Variants in EEFSEC observed in about 807,000 individuals in gnomAD.
EEFSEC encodes eukaryotic elongation factor, selenocysteine-tRNA specific.
A neutral mutation model predicts 42.1 loss-of-function variants in EEFSEC; 43 were observed. That is an observed-to-expected ratio of 1.02 (90% CI 0.80 to 1.32). EEFSEC has a LOEUF of 1.32. EEFSEC is among the 40% of genes most tolerant of loss of function. EEFSEC has a pLI of 0.00. For synonymous variants in EEFSEC, 354 were observed against 339.1 expected, an observed-to-expected ratio of 1.04 and a Z score of -0.48; for missense variants, 745 against 803.6, an observed-to-expected ratio of 0.93 and a Z score of 0.88.
At chr3:128,168,045 G>A (rs1013620925) in intron 1 of EEFSEC, among the ~76,000 whole-genome samples, 4 of 152,158 alleles carry the variant, frequency 2.6e-5, no homozygotes, top group Admixed American at 1.3e-4. Flanking sequence ...TGTCTAGGGC[G>A]TCTGTTTTCA....
chr3:128,219,712 T>A (rs1170041640), intron 1 of EEFSEC, among the ~76,000 whole-genome samples: 1 of 152,090 alleles, frequency 6.6e-6, no homozygotes, highest in Non-Finnish European at 1.5e-5. Context: ...GACAGGGACC[T>A]TATTTGTTTT....
At chr3:128,395,917 C>A (rs935882565) in intron 6 of EEFSEC, among the ~76,000 whole-genome samples, 6 of 152,318 alleles carry the variant, frequency 3.9e-5, no homozygotes, top group African/African-American at 7.2e-5. Flanking sequence ...GAGGAAAAAA[C>A]CAAAGCTCCG....
At chr3:128,162,739 A>C (rs2065202964) in intron 1 of EEFSEC, among the ~76,000 whole-genome samples, 1 of 152,066 alleles carries the variant, frequency 6.6e-6, no homozygotes, top group Admixed American at 6.5e-5. Flanking sequence ...AAAACATATC[A>C]AAAGTTAAAT....
intron 6 of EEFSEC, among the ~76,000 whole-genome samples, chr3:128,396,793 T>C (rs2067986572): frequency 6.6e-6 from 1 of 152,232 alleles, no homozygotes; most frequent in Non-Finnish European, 1.5e-5. Flanking sequence ...GCCTAGCCTG[T>C]AAAGGTGCAG....
intron 1 of EEFSEC, among the ~76,000 whole-genome samples, chr3:128,231,085 T>C (rs1313200250): frequency 6.6e-6 from 1 of 151,776 alleles, no homozygotes; most frequent in East Asian, 1.9e-4. Context: ...ATCCCCTCTC[T>C]CCTGTCTTCC....
intron 4 of EEFSEC, among the ~76,000 whole-genome samples, chr3:128,326,519 GT>G (rs1015496972): frequency 1.3e-5 from 2 of 152,074 alleles, no homozygotes; most frequent in African/African-American, 4.8e-5. Flanking sequence ...TCTTATGGTG[GT>G]GGCTTCCAGG....
chr3:128,271,573 A>G (rs2107946397), intron 4 of EEFSEC, among the ~76,000 whole-genome samples: 1 of 152,320 alleles, frequency 6.6e-6, no homozygotes, highest in East Asian at 1.9e-4. Flanking sequence ...GAGAAGGCAG[A>G]GAAGGAAACC....
chr3:128,377,689 G>A (rs769159883), intron 6 of EEFSEC, among the ~76,000 whole-genome samples: 21 of 151,422 alleles, frequency 1.4e-4, no homozygotes, highest in Non-Finnish European at 2.5e-4. Context: ...GTTTTAATAT[G>A]TAGGGTATTT....
chr3:128,411,227 C>T (rs527681237), downstream of EEFSEC, among the ~76,000 whole-genome samples: 3 of 152,342 alleles, frequency 2.0e-5, no homozygotes, highest in East Asian at 3.9e-4. Flanking sequence ...CCTGGCTCCC[C>T]CGTCCCCCAG....
chr3:128,279,612 C>A (rs996132038), intron 4 of EEFSEC, among the ~76,000 whole-genome samples: 3 of 152,212 alleles, frequency 2.0e-5, no homozygotes, highest in African/African-American at 7.2e-5. Flanking sequence ...GGTCGTTTTC[C>A]CATGAAGCAG....
chr3:128,161,040 A>G (rs2065181088), intron 1 of EEFSEC, among the ~76,000 whole-genome samples: 3 of 152,176 alleles, frequency 2.0e-5, no homozygotes, highest in Admixed American at 1.3e-4. Context: ...ATAAAAAACC[A>G]TGGCTCAGAG....
intron 1 of EEFSEC, among the ~76,000 whole-genome samples, chr3:128,170,200 G>A (rs1389041624): frequency 6.6e-6 from 1 of 152,166 alleles, no homozygotes; most frequent in Non-Finnish European, 1.5e-5. Flanking sequence ...CCTCAGACTT[G>A]CATGCATATT....
At position 128,267,073 on chromosome 3, in the gene EEFSEC, G is replaced by A. The variant is rs2066362018; in HGVS notation, c.786+2292G>A. The stretch of plus-strand genomic sequence containing the variant: ...GGAGTATGAAAGAGGTGTCAAAAGA[G>A]GGCTCTCTGGGGGGTGGGGTAGACT... On this transcript the variant is annotated intron_variant, in intron 4 of 6. Coordinates refer to ENST00000254730, the MANE Select transcript of EEFSEC (RefSeq NM_021937.5). 3.9e-5 allele frequency among the ~76,000 whole-genome samples: 6 copies of A among 152,106 alleles called. 1 individual carries two copies. In the South Asian group the frequency reaches 1.2e-3, roughly 32 times the overall value.
intron 6 of EEFSEC, among the ~76,000 whole-genome samples, chr3:128,373,252 TC>T (rs1340139676): frequency 1.3e-5 from 2 of 152,282 alleles, no homozygotes; most frequent in African/African-American, 4.8e-5. Context: ...AGTGTGGAGT[TC>T]CGTGCAATGT....
At chr3:128,194,423 G>A (rs1231441950) in intron 1 of EEFSEC, among the ~76,000 whole-genome samples, 1 of 152,148 alleles carries the variant, frequency 6.6e-6, no homozygotes, top group East Asian at 1.9e-4. Context: ...TGGCTGGATG[G>A]GACTGGGATG....
At chr3:128,213,049 G>A (rs2065775461) in intron 1 of EEFSEC, among the ~76,000 whole-genome samples, 6 of 152,202 alleles carry the variant, frequency 3.9e-5, no homozygotes, top group Admixed American at 1.3e-4. Context: ...ACCCTCAGTG[G>A]GGGTTGGCTG....
chr3:128,350,240 G>A (rs934946704), intron 5 of EEFSEC, among the ~76,000 whole-genome samples: 11 of 152,238 alleles, frequency 7.2e-5, no homozygotes, highest in African/African-American at 2.7e-4. Context: ...GCTGGCCTGG[G>A]GTGCAGGCTG....
intron 4 of EEFSEC, among the ~76,000 whole-genome samples, chr3:128,296,158 C>T (rs1351130330): frequency 6.6e-6 from 1 of 152,160 alleles, no homozygotes; most frequent in Non-Finnish European, 1.5e-5. Flanking sequence ...CATGAGATTT[C>T]ATCATCCTGA....
chr3:128,381,968 G>A (rs753437067), intron 6 of EEFSEC, among the ~76,000 whole-genome samples: 2 of 152,158 alleles, frequency 1.3e-5, no homozygotes, highest in Non-Finnish European at 2.9e-5. Flanking sequence ...GCTGGGCCAC[G>A]TGAGGACGCC....
Sources: gnomAD v4.1 joint callset for allele counts (sites outside exome capture counted in the v4.1 genomes callset) on GRCh38, gnomAD v4.1.1 for gene constraint, MANE v1.5 for transcripts, NCBI Gene and HGNC (gene_info 2026-07-23, HGNC 2026-07-21) for gene names.